CCDC181: variants seen among roughly 807,000 people sequenced by gnomAD.
The protein encoded by CCDC181 is coiled-coil domain containing 181.
Under a neutral mutation model 58.7 loss-of-function variants are expected in CCDC181, and 35 were observed. The ratio of observed to expected loss-of-function variants is 0.60; its 90% CI spans 0.46 to 0.79. CCDC181 has a LOEUF of 0.79. Ranked by LOEUF, CCDC181 falls within the 30% of genes least tolerant of loss-of-function variation. The pLI is 0.00. For missense variants in CCDC181, 517 were observed against 583.9 expected, an observed-to-expected ratio of 0.89 and a Z score of 1.18; for synonymous variants, 183 against 197.5, an observed-to-expected ratio of 0.93 and a Z score of 0.62.
At chr1:169,409,912 A>G (rs10800446) in intron 4 of CCDC181, among the ~76,000 whole-genome samples, 81,199 of 151,964 alleles carry the variant, frequency 0.53, 22,536 homozygotes, top group Non-Finnish European at 0.6. Context: ...GGAAAAACAG[A>G]TACCAACCAC....
chr1:169,398,281 G>A (rs567447097), intron 4 of CCDC181, among the ~76,000 whole-genome samples: 1 of 152,222 alleles, frequency 6.6e-6, no homozygotes, highest in Admixed American at 6.5e-5. Flanking sequence ...TCAAAATAAT[G>A]AGGAGAGGAT....
At chr1:169,415,469 G>C (rs1427875241) in intron 4 of CCDC181, among the ~76,000 whole-genome samples, 1 of 152,144 alleles carries the variant, frequency 6.6e-6, no homozygotes, top group Non-Finnish European at 1.5e-5. Flanking sequence ...AAAGGGATCT[G>C]GCCCTAAATT....
At chr1:169,405,330 A>G (rs1655587560) in intron 4 of CCDC181, among the ~76,000 whole-genome samples, 1 of 152,224 alleles carries the variant, frequency 6.6e-6, no homozygotes, top group African/African-American at 2.4e-5. Flanking sequence ...TGGAACCAAA[A>G]AAGAGCCCAC....
intron 5 of CCDC181, 97 bp downstream of exon 5, chr1:169,397,140 T>G: frequency 1.7e-6 from 2 of 1,176,356 alleles, no homozygotes; most frequent in Non-Finnish European, 2.3e-6. Flanking sequence ...AGAGAAAACA[T>G]TTTGAGGGTT....
chr1:169,418,506 A>T (rs564571790), intron 4 of CCDC181, among the ~76,000 whole-genome samples: 15 of 151,308 alleles, frequency 9.9e-5, no homozygotes, highest in African/African-American at 1.5e-4. Flanking sequence ...CTTTTTTTTT[A>T]AATTTTATTA....
chr1:169,436,566 G>A (rs191883538), intron 2 of CCDC181, among the ~76,000 whole-genome samples: 88 of 152,234 alleles, frequency 5.8e-4, no homozygotes, highest in African/African-American at 2.1e-3. Flanking sequence ...AGAATGAAAA[G>A]CAAAGACGAC....
chr1:169,439,289 A>G (rs1657143146), intron 2 of CCDC181, among the ~76,000 whole-genome samples: 1 of 152,064 alleles, frequency 6.6e-6, no homozygotes, highest in Non-Finnish European at 1.5e-5. Flanking sequence ...CTGCAGACAG[A>G]CACCCTACCA....
chr1:169,427,579 G>A (rs1571500901), upstream of CCDC181: 1 of 152,350 alleles, frequency 6.6e-6, no homozygotes, highest in East Asian at 1.9e-4. Flanking sequence ...TTTCTAAGGG[G>A]ACGACTAAGG....
At chr1:169,445,953 C>A (rs1019813811) in intron 2 of CCDC181, among the ~76,000 whole-genome samples, 3 of 152,094 alleles carry the variant, frequency 2.0e-5, no homozygotes, top group Non-Finnish European at 4.4e-5. Context: ...ATTCCTCTCT[C>A]ATTTCTGATA....
At chr1:169,439,590 G>T (rs573646392) in intron 2 of CCDC181, among the ~76,000 whole-genome samples, 40 of 152,172 alleles carry the variant, frequency 2.6e-4, no homozygotes, top group African/African-American at 9.6e-4. Flanking sequence ...AGCATCTCGG[G>T]GTGTGTTACA....
chr1:169,422,876 C>T (rs1656544433), intron 2 of CCDC181, among the ~76,000 whole-genome samples: 1 of 151,672 alleles, frequency 6.6e-6, no homozygotes, highest in Admixed American at 6.6e-5. Flanking sequence ...TTCAACTATA[C>T]TCAGAGATTT....
chr1:169,406,260 C>T (rs1230809536), intron 4 of CCDC181, among the ~76,000 whole-genome samples: 3 of 152,160 alleles, frequency 2.0e-5, no homozygotes, highest in African/African-American at 7.2e-5. Flanking sequence ...GTATCTAGAA[C>T]TAGAAATACC....
chr1:169,432,256 T>G (rs1656941437), upstream of CCDC181, among the ~76,000 whole-genome samples: 1 of 152,022 alleles, frequency 6.6e-6, no homozygotes, highest in Admixed American at 6.6e-5. Flanking sequence ...GAAGAAAGAA[T>G]CAGTGAACTT....
rs951382443 is a variant in CCDC181, at chr1:169,418,817, G to A, written c.1215+196C>T. The A allele has an allele frequency of 7.6e-6, 4 of 527,596 alleles. No individual in the cohort carries two copies. The Admixed American group carries it at 1.1e-4, about 15-fold the overall frequency. The allele number at this position is 527,596 out of a possible 1,614,324, so 32.7% of individuals were successfully genotyped here. A position where few individuals can be genotyped will look rare whatever the true frequency, so the allele number is the denominator to read the frequency against. On this transcript the variant is annotated intron_variant, in intron 4 of 5. Coordinates refer to ENST00000367806, the MANE Select transcript of CCDC181 (RefSeq NM_001300969.2). The stretch of plus-strand genomic sequence containing the variant: ...GTTCCATCAAAGTCTGAACAAAATA[G>A]GAATCATTTTATTTTCACAAGACCT...
In CCDC181 at chr1:169,417,645, G is replaced by T. The variant is rs2102080975; in HGVS notation, c.1215+1368C>A. Among the ~76,000 whole-genome samples the T allele has an allele frequency of 1.3e-5, 2 of 152,180 alleles. 1 individual carries two copies. The highest frequency in any genetic ancestry group is 6.8e-3 in the Middle Eastern group (2 of 294). The stretch of plus-strand genomic sequence containing the variant: ...CCCCCTTCCTAGAAGAAAGGAGTTA[G>T]AACTGAAAGTTCCGGGCTTCTAATC... On this transcript the variant is annotated intron_variant, in intron 4 of 5. Transcript: ENST00000367806.
chr1:169,398,590 C>A (rs1655179435), intron 4 of CCDC181, among the ~76,000 whole-genome samples: 1 of 152,188 alleles, frequency 6.6e-6, no homozygotes, highest in Non-Finnish European at 1.5e-5. Context: ...CTCACACATT[C>A]TGTACTGTAC....
chr1:169,414,844 C>A (rs1383058966), intron 4 of CCDC181, among the ~76,000 whole-genome samples: 1 of 152,142 alleles, frequency 6.6e-6, no homozygotes, highest in East Asian at 1.9e-4. Flanking sequence ...AATTAATCAA[C>A]TACCAAATTG....
At chr1:169,428,097 TTTA>T (rs904663130), upstream of CCDC181, among the ~76,000 whole-genome samples, 10 of 152,306 alleles carry the variant, frequency 6.6e-5, no homozygotes, top group East Asian at 1.9e-3. Context: ...TTTTAAATTG[TTTA>T]TTATTAGGAT....
Position 169,424,819 on chromosome 1 carries a change from T to G in CCDC181, c.109A>C (p.Ile37Leu). The G allele has an allele frequency of 6.4e-7, 1 of 1,564,598 alleles. No homozygotes were observed. The highest frequency in any genetic ancestry group is 8.8e-7 in the Non-Finnish European group (1 of 1,138,872). Reference sequence around the variant, plus strand: ...CTGTTGGCAATATATACCTCTATTATGCTGGCATCACTTTTTTCATTTTCA... The same window carrying G: ...CTGTTGGCAATATATACCTCTATTAGGCTGGCATCACTTTTTTCATTTTCA... The part of the protein sequence containing the change: ...INENEKSDAS[I>L]IEMACEKEEN... The change falls in exon 2 of 6, where the codon ATA becomes CTA. Residue 37 changes from isoleucine to leucine, a missense_variant. Coordinates refer to ENST00000367806, the MANE Select transcript of CCDC181 (RefSeq NM_001300969.2).
Sources: allele counts gnomAD v4.1 joint callset (sites outside exome capture counted in the v4.1 genomes callset), GRCh38; gene constraint gnomAD v4.1.1; transcripts MANE v1.5; gene names NCBI Gene and HGNC (gene_info 2026-07-23, HGNC 2026-07-21).